Variants in SCFD2 observed in about 807,000 individuals in gnomAD.
SCFD2 encodes sec1 family domain-containing protein 2.
SCFD2 carries 54 observed loss-of-function variants against 58.9 expected under a neutral mutation model. The ratio of observed to expected loss-of-function variants is 0.92; its 90% CI spans 0.74 to 1.15. SCFD2 has a LOEUF of 1.15. Ranked by LOEUF, SCFD2 falls within the 50% of genes most tolerant of loss-of-function variation. SCFD2 has a pLI of 0.00. For missense variants in SCFD2, 805 were observed against 836.6 expected, an observed-to-expected ratio of 0.96 and a Z score of 0.47; for synonymous variants, 321 against 335.9, an observed-to-expected ratio of 0.96 and a Z score of 0.49.
chr4:53,313,887 T>G, intron 2 of SCFD2, 124 bp from the exon 3 acceptor site: 1 of 762,980 alleles, frequency 1.3e-6, no homozygotes, highest in Non-Finnish European at 2.1e-6. Flanking sequence ...ACTGATAGAC[T>G]CTAAGTATTA....
Position 52,907,544 on chromosome 4 carries a change from A to C in SCFD2, c.1755T>G (p.His585Gln), listed in dbSNP as rs1338699594. 6.2e-7 allele frequency: 1 copy of C among 1,613,914 alleles called. No individual in the cohort carries two copies. Among genetic ancestry groups the C allele is most frequent in the Non-Finnish European group, 8.5e-7 (1 of 1,179,960 alleles). Reference protein sequence around the residue: ...LLKQVVEEIFHPERPDSVDIE... With the variant: ...LLKQVVEEIFQPERPDSVDIE... The stretch of plus-strand genomic sequence containing the variant: ...TATCAACGGAATCTGGCCTCTCGGG[A>C]TGAAATATTTCCTCCACAACTTGCT... Residue 585 changes from histidine (H) to glutamine (Q), a missense_variant, in exon 7 of 9, where the codon CAT (histidine) becomes CAG (glutamine). By Grantham distance (24) the His-to-Gln change is conservative (BLOSUM62 0). Around this residue, in one of 3 missense-constraint regions of SCFD2, gnomAD observed 633 missense variants for 646.8 expected, o/e 0.98. Transcript: ENST00000401642.
At chr4:53,078,154 C>T (rs1398321121) in intron 5 of SCFD2, among the ~76,000 whole-genome samples, 3 of 152,100 alleles carry the variant, frequency 2.0e-5, no homozygotes, top group Non-Finnish European at 4.4e-5. Flanking sequence ...GATCAATTGC[C>T]TTATTAATCT....
At chr4:53,133,327 CAAAAA>C (rs34787254) in intron 5 of SCFD2, among the ~76,000 whole-genome samples, 17 of 83,200 alleles carry the variant, frequency 2.0e-4, no homozygotes, top group South Asian at 1.1e-3. Context: ...GACTCCGTCT[CAAAAA>C]AAAAAAAAAA....
At chr4:52,950,997 T>A (rs73250916) in intron 5 of SCFD2, 2 of 152,294 alleles carry the variant, frequency 1.3e-5, no homozygotes, top group African/African-American at 4.8e-5. Context: ...GCACAACATG[T>A]AAATTAAAGG....
intron 5 of SCFD2, among the ~76,000 whole-genome samples, chr4:53,125,374 G>T (rs1725597038): frequency 1.3e-5 from 2 of 152,184 alleles, no homozygotes; most frequent in African/African-American, 4.8e-5. Flanking sequence ...GATCATTTCG[G>T]TTATAATATT....
intron 5 of SCFD2, among the ~76,000 whole-genome samples, chr4:52,925,187 C>T (rs967747768): frequency 6.6e-6 from 1 of 151,964 alleles, no homozygotes; most frequent in Admixed American, 6.6e-5. Flanking sequence ...CAAACCCTTA[C>T]AGTCTAACTC....
At chr4:53,233,817 G>A (rs1729512891) in intron 4 of SCFD2, among the ~76,000 whole-genome samples, 1 of 152,200 alleles carries the variant, frequency 6.6e-6, no homozygotes, top group Non-Finnish European at 1.5e-5. Flanking sequence ...ATGAAATTGA[G>A]ATGATATATC....
intron 5 of SCFD2, among the ~76,000 whole-genome samples, chr4:52,969,925 T>C (rs1721055059): frequency 6.6e-6 from 1 of 152,218 alleles, no homozygotes; most frequent in African/African-American, 2.4e-5. Flanking sequence ...AAATCACTGT[T>C]AGTTTTTTGA....
intron 4 of SCFD2, among the ~76,000 whole-genome samples, chr4:53,259,112 G>A (rs780720546): frequency 2.0e-5 from 3 of 152,110 alleles, no homozygotes; most frequent in Non-Finnish European, 2.9e-5. Flanking sequence ...GTAGATTCTG[G>A]ATATTACTTC....
At chr4:53,233,877 G>A (rs976857066) in intron 4 of SCFD2, among the ~76,000 whole-genome samples, 19 of 152,158 alleles carry the variant, frequency 1.2e-4, no homozygotes, top group African/African-American at 3.9e-4. Flanking sequence ...AAAGCTTACT[G>A]AGGAGTAAAA....
intron 4 of SCFD2, among the ~76,000 whole-genome samples, chr4:53,211,006 A>G (rs1728591795): frequency 6.6e-6 from 1 of 152,000 alleles, no homozygotes; most frequent in Non-Finnish European, 1.5e-5. Flanking sequence ...GCACTTTGGG[A>G]GGCTGAGTCA....
At chr4:52,914,849 T>G (rs190751216) in intron 6 of SCFD2, among the ~76,000 whole-genome samples, 2 of 152,310 alleles carry the variant, frequency 1.3e-5, no homozygotes, top group Admixed American at 1.3e-4. Context: ...TGGCCCTGTA[T>G]GAGAGCCTCA....
intron 4 of SCFD2, among the ~76,000 whole-genome samples, chr4:53,187,093 A>G (rs1031766485): frequency 5.3e-5 from 8 of 152,118 alleles, no homozygotes; most frequent in African/African-American, 1.9e-4. Flanking sequence ...TCATAAATAC[A>G]TGAAAAGCTT....
intron 5 of SCFD2, among the ~76,000 whole-genome samples, chr4:53,075,916 A>G (rs1313856961): frequency 6.6e-6 from 1 of 152,200 alleles, no homozygotes; most frequent in East Asian, 1.9e-4. Context: ...GTGCTGATAG[A>G]CTTGCTAGAC....
chr4:52,937,513 G>A (rs985492879), intron 5 of SCFD2, among the ~76,000 whole-genome samples: 2 of 152,192 alleles, frequency 1.3e-5, no homozygotes, highest in Non-Finnish European at 2.9e-5. Context: ...CACAAGCTCT[G>A]CACTTCACAT....
At chr4:53,212,048 A>T (rs1381528821) in intron 4 of SCFD2, among the ~76,000 whole-genome samples, 5 of 152,078 alleles carry the variant, frequency 3.3e-5, no homozygotes, top group Admixed American at 3.3e-4. Flanking sequence ...TCCCTTCTTC[A>T]GTTACCTTAT....
chr4:53,005,196 G>A (rs531725775), intron 5 of SCFD2, among the ~76,000 whole-genome samples: 2 of 152,090 alleles, frequency 1.3e-5, no homozygotes, highest in Non-Finnish European at 2.9e-5. Context: ...CACTGTGCCC[G>A]GCCAGGATTT....
intron 5 of SCFD2, among the ~76,000 whole-genome samples, chr4:53,070,602 T>C (rs1018252849): frequency 2.6e-4 from 40 of 152,216 alleles, no homozygotes; most frequent in African/African-American, 9.4e-4. Flanking sequence ...CAAATTAAAA[T>C]GATAAACATT....
chr4:53,301,018 T>A (rs372301251), intron 3 of SCFD2, among the ~76,000 whole-genome samples: 3 of 150,656 alleles, frequency 2.0e-5, no homozygotes, highest in African/African-American at 7.3e-5. Flanking sequence ...AAATTGACAC[T>A]CTAACATCAC....
Sources: allele counts gnomAD v4.1 joint callset (sites outside exome capture counted in the v4.1 genomes callset), GRCh38; gene constraint gnomAD v4.1.1; regional missense constraint gnomAD v4.1.1; transcripts MANE v1.5; gene names NCBI Gene and HGNC (gene_info 2026-07-23, HGNC 2026-07-21).